Variants in GSE1 observed in about 807,000 individuals in gnomAD.
GSE1 encodes the protein genetic suppressor element 1.
In GSE1, 32 loss-of-function variants were observed where a neutral mutation model predicts 112.6. The observed-to-expected ratio is 0.28, with a 90% CI of 0.21 to 0.38. The LOEUF is 0.38. GSE1 is among the 10% of genes least tolerant of loss of function. The pLI, the probability that GSE1 is intolerant of heterozygous loss-of-function variation, is 1.00. For missense variants in GSE1, 2,348 were observed against 1,699.2 expected (o/e 1.38, Z -6.71); for synonymous variants, 1,115 against 735.6 (o/e 1.52, Z -8.35).
intron 1 of GSE1, among the ~76,000 whole-genome samples, chr16:85,237,092 G>T (rs565524015): frequency 6.6e-6 from 1 of 152,310 alleles, no homozygotes; most frequent in African/African-American, 2.4e-5. Flanking sequence ...TTGGGAGGCC[G>T]AAGTGGGTGA....
intron 2 of GSE1, among the ~76,000 whole-genome samples, chr16:85,511,002 G>A (rs977541336): frequency 2.6e-5 from 4 of 152,226 alleles, no homozygotes; most frequent in African/African-American, 9.7e-5. Context: ...TGCATGCGTT[G>A]CTCTTTAATA....
Position 85,656,372 on chromosome 16 carries a change from A to C in GSE1, c.1019A>C (p.Glu340Ala). 6.2e-7 allele frequency: 1 copy of C among 1,607,498 alleles called. No individual in the cohort carries two copies. The highest frequency in any genetic ancestry group is 8.5e-7 in the Non-Finnish European group (1 of 1,178,252). ...RLQMDEELRR[E>A]RERERERERE... is the part of the protein sequence containing the mutation. ...CAGATGGACGAGGAGCTAAGGCGGG[A>C]GAGGGAGCGCGAGCGCGAGCGCGAG... is the stretch of plus-strand genomic sequence containing the variant. Residue 340 changes from glutamate (E) to alanine (A), a missense_variant, in exon 7 of 16, where the codon GAG becomes GCG. Glu to Ala is a moderately radical substitution (Grantham distance 107). Coordinates refer to ENST00000253458, the MANE Select transcript of GSE1 (RefSeq NM_014615.5).
At chr16:85,202,505 C>T (rs1391972341) in intron 1 of GSE1, among the ~76,000 whole-genome samples, 1 of 152,174 alleles carries the variant, frequency 6.6e-6, no homozygotes, top group Non-Finnish European at 1.5e-5. Flanking sequence ...CTCATGGTGG[C>T]GCTGATGGGG....
chr16:85,665,197 A>G, intron 12 of GSE1, 69 bp downstream of exon 12: 1 of 868,842 alleles, frequency 1.2e-6, no homozygotes, highest in Admixed American at 1.9e-5. Flanking sequence ...CTCAGAGGCG[A>G]CCACTCGAGG....
chr16:85,422,305 C>T (rs1050253609), intron 2 of GSE1, among the ~76,000 whole-genome samples: 3 of 152,166 alleles, frequency 2.0e-5, no homozygotes, highest in Non-Finnish European at 4.4e-5. Context: ...GGATCCTCCC[C>T]GCACAGGCGA....
At chr16:85,239,656 C>T (rs901060704) in intron 1 of GSE1, among the ~76,000 whole-genome samples, 1 of 152,214 alleles carries the variant, frequency 6.6e-6, no homozygotes, top group African/African-American at 2.4e-5. Flanking sequence ...GCGGGCCCCA[C>T]GGCTCCCAGC....
At chr16:85,239,551 T>C (rs1905005236) in intron 1 of GSE1, among the ~76,000 whole-genome samples, 1 of 152,196 alleles carries the variant, frequency 6.6e-6, no homozygotes, top group Non-Finnish European at 1.5e-5. Context: ...GGCCTCAGGA[T>C]CCTGGTGCTA....
intron 1 of GSE1, among the ~76,000 whole-genome samples, chr16:85,233,863 T>A (rs559494544): frequency 6.6e-6 from 1 of 152,084 alleles, no homozygotes; most frequent in East Asian, 1.9e-4. Flanking sequence ...GGGAGCCCCT[T>A]TGGAGCCGAC....
chr16:85,331,750 G>A (rs1423067282), intron 1 of GSE1, among the ~76,000 whole-genome samples: 59 of 121,274 alleles, frequency 4.9e-4, no homozygotes, highest in Non-Finnish European at 6.7e-4. Flanking sequence ...GTTTCACCAC[G>A]TTGCCCAGGC....
intron 1 of GSE1, among the ~76,000 whole-genome samples, chr16:85,577,361 G>A (rs1473296337): frequency 6.6e-6 from 1 of 152,208 alleles, no homozygotes; most frequent in Admixed American, 6.5e-5. Context: ...GTTTTTCTCT[G>A]CTGTCCCTGC....
intron 1 of GSE1, among the ~76,000 whole-genome samples, chr16:85,238,708 G>A (rs1219290094): frequency 1.3e-5 from 2 of 152,156 alleles, no homozygotes; most frequent in African/African-American, 2.4e-5. Context: ...CCCTTGGGGC[G>A]CTCAGCAGGG....
chr16:85,277,204 G>A (rs1238488909), intron 1 of GSE1, among the ~76,000 whole-genome samples: 2 of 152,192 alleles, frequency 1.3e-5, no homozygotes, highest in African/African-American at 4.8e-5. Context: ...GGTGGCGGTG[G>A]GGGTGGGGCA....
intron 2 of GSE1, among the ~76,000 whole-genome samples, chr16:85,461,809 G>A (rs1166063658): frequency 6.6e-6 from 1 of 151,822 alleles, no homozygotes; most frequent in East Asian, 1.9e-4. Flanking sequence ...TTCCATCCCC[G>A]CGGCTGGGCC....
intron 1 of GSE1, among the ~76,000 whole-genome samples, chr16:85,620,497 G>T (rs2048661103): frequency 6.6e-6 from 1 of 152,258 alleles, no homozygotes; most frequent in Admixed American, 6.5e-5. Flanking sequence ...GACACAAAGT[G>T]GAATGCGGTT....
At chr16:85,402,875 C>T (rs1349395246) in intron 2 of GSE1, among the ~76,000 whole-genome samples, 2 of 151,772 alleles carry the variant, frequency 1.3e-5, no homozygotes, top group Non-Finnish European at 2.9e-5. Flanking sequence ...TTGATTGTGC[C>T]ACTGCATGTC....
Position 85,304,383 on chromosome 16 carries a change from G to A in GSE1, c.2284-53080G>A, listed in dbSNP as rs928976354. Reference sequence around the variant, plus strand: ...TGGGGCCGGGGCTCTCTAGCAGAGGGGCTGGGTGCCTGCATTCTGTGGGGG... The same window carrying A: ...TGGGGCCGGGGCTCTCTAGCAGAGGAGCTGGGTGCCTGCATTCTGTGGGGG... On this transcript the variant is annotated intron_variant, in intron 1 of 2. Coordinates refer to the GSE1 transcript ENST00000637419. 3.3e-5 allele frequency among the ~76,000 whole-genome samples: 5 copies of A among 152,312 alleles called. No homozygotes were observed. In the South Asian group the frequency reaches 8.3e-4, roughly 25 times the overall value.
chr16:85,228,747 G>C (rs889449597), intron 1 of GSE1, among the ~76,000 whole-genome samples: 1 of 152,126 alleles, frequency 6.6e-6, no homozygotes, highest in Non-Finnish European at 1.5e-5. Flanking sequence ...AAAATGAGAG[G>C]GCCAGCGGTG....
chr16:85,325,860 G>A lies in GSE1; in HGVS notation c.2284-31603G>A, dbSNP rs560614254. On this transcript the variant is annotated intron_variant, in intron 1 of 2. Coordinates refer to the GSE1 transcript ENST00000637419. ...CAACCTCCGCCTCCAGGGTTCAAGC[G>A]ATTCTCCTGCCTTGAGTAGCTGGGA... is the stretch of plus-strand genomic sequence containing the variant. Among the ~76,000 whole-genome samples, 15 of 151,972 alleles carry A rather than the reference G, an allele frequency of 9.9e-5. No homozygotes were observed. In the South Asian group the frequency reaches 1.7e-3, roughly 17 times the overall value.
intron 1 of GSE1, among the ~76,000 whole-genome samples, chr16:85,242,438 C>G (rs1905241111): frequency 6.6e-6 from 1 of 152,244 alleles, no homozygotes; most frequent in African/African-American, 2.4e-5. Context: ...GTGAAGGCCA[C>G]CTTCCATCTT....
Sources: gnomAD v4.1 joint callset for allele counts (sites outside exome capture counted in the v4.1 genomes callset) on GRCh38, gnomAD v4.1.1 for gene constraint, MANE v1.5 for transcripts, NCBI Gene and HGNC (gene_info 2026-07-23, HGNC 2026-07-21) for gene names.